PTPRJ: variants seen among roughly 807,000 people sequenced by gnomAD.
PTPRJ encodes protein tyrosine phosphatase receptor type J, also known as receptor-type tyrosine-protein phosphatase eta.
PTPRJ carries 129 observed loss-of-function variants against 141.3 expected under a neutral mutation model. The observed-to-expected ratio is 0.91, with a 90% CI of 0.79 to 1.06. PTPRJ has a LOEUF of 1.06. Ranked by LOEUF, PTPRJ falls within the 50% of genes least tolerant of loss-of-function variation. The pLI is 0.00. For synonymous variants in PTPRJ, 610 were observed against 640.5 expected (o/e 0.95, Z 0.72); for missense variants, 1,601 against 1,679.7 (o/e 0.95, Z 0.82).
At chr11:48,007,462 C>CA (rs769113141) in intron 1 of PTPRJ, among the ~76,000 whole-genome samples, 2 of 151,920 alleles carry the variant, frequency 1.3e-5, no homozygotes, top group Non-Finnish European at 2.9e-5. Context: ...GACTGTAGTG[C>CA]AGTGGCACAA....
chr11:48,124,402 CAT>C (rs1856787299), intron 5 of PTPRJ, among the ~76,000 whole-genome samples: 1 of 152,200 alleles, frequency 6.6e-6, no homozygotes, highest in Non-Finnish European at 1.5e-5. Context: ...TTTATTGGCT[CAT>C]GTGGATTTTC....
chr11:48,003,285 C>T (rs1448402113), intron 1 of PTPRJ, among the ~76,000 whole-genome samples: 1 of 152,174 alleles, frequency 6.6e-6, no homozygotes, highest in Non-Finnish European at 1.5e-5. Context: ...CCAATATCTT[C>T]ATGAATACAG....
chr11:48,023,645 G>A (rs1565262655), intron 1 of PTPRJ, among the ~76,000 whole-genome samples: 1 of 152,014 alleles, frequency 6.6e-6, no homozygotes, highest in Non-Finnish European at 1.5e-5. Context: ...AGCTGGGTGT[G>A]GTGGTGCGCG....
Position 48,063,918 on chromosome 11 carries a change from ATGTG to A in PTPRJ, c.97-46116_97-46113del, listed in dbSNP as rs113736420. 1.0e-3 allele frequency among the ~76,000 whole-genome samples: 148 copies of A among 147,566 alleles called. No individual in the cohort carries two copies. In the East Asian group the frequency reaches 0.013, roughly 13 times the overall value. Reference sequence around the variant, plus strand: ...ATTTGTTGTAGAAAGTTCTCAGCTTATGTGTGTGTGTGTGTGTGTGTGTGTGTTT... The same window carrying A: ...ATTTGTTGTAGAAAGTTCTCAGCTTATGTGTGTGTGTGTGTGTGTGTGTTT... On this transcript the variant is annotated intron_variant, in intron 1 of 24. Coordinates refer to ENST00000418331, the MANE Select transcript of PTPRJ (RefSeq NM_002843.4).
At chr11:47,981,507 G>A (rs993528257) in intron 1 of PTPRJ, among the ~76,000 whole-genome samples, 2 of 152,202 alleles carry the variant, frequency 1.3e-5, no homozygotes, top group Non-Finnish European at 2.9e-5. Flanking sequence ...GGGGCCCTGG[G>A]CGAGGCGCGG....
At chr11:48,032,920 T>C (rs1180272852) in intron 1 of PTPRJ, among the ~76,000 whole-genome samples, 4 of 151,876 alleles carry the variant, frequency 2.6e-5, no homozygotes, top group African/African-American at 7.3e-5. Context: ...GAGACAAATA[T>C]AGAAACAAAA....
rs1451779587 is a variant in PTPRJ at position 48,145,138 on chromosome 11, A to C, written c.2911+14A>C. On this transcript the variant is annotated intron_variant, in intron 14 of 24. Coordinates refer to ENST00000418331, the MANE Select transcript of PTPRJ (RefSeq NM_002843.4). Reference sequence around the variant, plus strand: ...CCCAGGATCCAGGTAGGGAGAAGACAACAGTCCTGGCACTGGTTCAGTGGC... The same window carrying C: ...CCCAGGATCCAGGTAGGGAGAAGACCACAGTCCTGGCACTGGTTCAGTGGC... 1 of 1,613,390 alleles carries C rather than the reference A, an allele frequency of 6.2e-7. No individual in the cohort carries two copies.
At chr11:48,134,287 T>A (rs1157540311) in intron 8 of PTPRJ, among the ~76,000 whole-genome samples, 1 of 152,244 alleles carries the variant, frequency 6.6e-6, no homozygotes, top group Non-Finnish European at 1.5e-5. Context: ...ACCACAACTT[T>A]CCCCTATAGT....
intron 1 of PTPRJ, among the ~76,000 whole-genome samples, chr11:48,027,066 G>A (rs1360219663): frequency 3.5e-5 from 5 of 144,000 alleles, no homozygotes; most frequent in African/African-American, 1.0e-4. Context: ...TTGCAGTGGC[G>A]CGATCTCAGC....
chr11:48,106,493 A>G (rs1223743244), intron 1 of PTPRJ, among the ~76,000 whole-genome samples: 1 of 152,224 alleles, frequency 6.6e-6, no homozygotes. Flanking sequence ...GCAAGGAAAC[A>G]TCTTTATGTG....
rs763696059 is a variant in PTPRJ at position 48,137,202 on chromosome 11, A to G, written c.2073A>G (p.Ser691=). 2.4e-5 allele frequency: 39 copies of G among 1,612,126 alleles called. No homozygotes were observed. The highest frequency in any genetic ancestry group is 3.2e-5 in the Non-Finnish European group (38 of 1,178,242). The part of the protein sequence containing the change: ...DATVTELIPG[S]SYTVEIFAQV... ...CAGTCACTGAATTAATACCTGGCTC[A>G]TCATACACAGTGGAGATCTTTGCAC... The change falls in exon 10 of 25, where the codon TCA becomes TCG. Residue 691 remains serine, a synonymous_variant. Transcript: ENST00000418331.
At chr11:48,012,052 A>G (rs1854808676) in intron 1 of PTPRJ, among the ~76,000 whole-genome samples, 1 of 152,056 alleles carries the variant, frequency 6.6e-6, no homozygotes. Flanking sequence ...GGTGGTTTCC[A>G]TTTATGCGTA....
chr11:48,163,406 T>C, intron 22 of PTPRJ, 52 bp from the exon 23 acceptor site: 6 of 1,536,442 alleles, frequency 3.9e-6, no homozygotes, highest in Non-Finnish European at 4.5e-6. Context: ...GCCTTTTTGA[T>C]GTTGTTAGGC....
At chr11:48,131,575 C>G (rs1694615366) in intron 8 of PTPRJ, 2 of 759,340 alleles carry the variant, frequency 2.6e-6, no homozygotes, top group Non-Finnish European at 4.9e-6. Context: ...AGAATGGCCC[C>G]TATGCCAAAT....
rs994697607 is a variant in PTPRJ at position 48,063,319 on chromosome 11, C to G, written c.97-46739C>G. On this transcript the variant is annotated intron_variant, in intron 1 of 24. Coordinates refer to ENST00000418331, the MANE Select transcript of PTPRJ (RefSeq NM_002843.4). The stretch of plus-strand genomic sequence containing the variant: ...CTCCAGGCTGGGCAACAGAGCAAGA[C>G]TCCATCTCAAAAACAACAACAACAA... Among the ~76,000 whole-genome samples the G allele has an allele frequency of 2.0e-5, 3 of 152,264 alleles. No individual in the cohort carries two copies. The East Asian group carries it at 5.8e-4, about 29-fold the overall frequency.
chr11:48,039,345 A>AT (rs1854212955), intron 1 of PTPRJ, among the ~76,000 whole-genome samples: 1 of 151,896 alleles, frequency 6.6e-6, no homozygotes, highest in Admixed American at 6.6e-5. Flanking sequence ...GTTAAAAAAA[A>AT]AAAACAACAA....
In PTPRJ at chr11:48,155,829, C is replaced by G. The variant is rs1236215832; in HGVS notation, c.3258C>G (p.Val1086=). The G allele has an allele frequency of 6.8e-6, 11 of 1,608,748 alleles. No individual in the cohort carries two copies. The African/African-American group carries it at 1.5e-4, about 22-fold the overall frequency. Residue 1086 remains valine (V), a synonymous_variant, in exon 20 of 25, where the codon GTC becomes GTG. Transcript: ENST00000418331. ...PYDISRVKLS[V]QTHSTDDYIN... ...ATATTTCCCGTGTCAAACTTTCGGT[C>G]CAGACCCATTCAACGGATGACTACA...
chr11:48,028,642 T>C (rs986810367), intron 1 of PTPRJ, among the ~76,000 whole-genome samples: 17 of 152,074 alleles, frequency 1.1e-4, no homozygotes, highest in Admixed American at 2.0e-4. Context: ...AATACAAAAA[T>C]TAGCCAGGTG....
At chr11:48,124,319 C>T (rs1856785326) in intron 5 of PTPRJ, among the ~76,000 whole-genome samples, 1 of 152,220 alleles carries the variant, frequency 6.6e-6, no homozygotes, top group Non-Finnish European at 1.5e-5. Flanking sequence ...AACAGAGCTA[C>T]AGAGTGGGTG....
Sources: allele counts gnomAD v4.1 joint callset (sites outside exome capture counted in the v4.1 genomes callset), GRCh38; gene constraint gnomAD v4.1.1; transcripts MANE v1.5; gene names NCBI Gene and HGNC (gene_info 2026-07-23, HGNC 2026-07-21).